Variants in ESRRG observed in about 807,000 individuals in gnomAD.
ESRRG encodes the protein estrogen related receptor gamma.
Under a neutral mutation model 44.0 loss-of-function variants are expected in ESRRG, and 13 were observed. That is an observed-to-expected ratio of 0.30 (90% confidence interval 0.19 to 0.47). ESRRG has a LOEUF of 0.47. ESRRG is among the 20% of genes least tolerant of loss of function. The pLI is 1.00. For synonymous variants in ESRRG, 215 were observed against 214.6 expected, an observed-to-expected ratio of 1.00 and a Z score of -0.02; for missense variants, 395 against 580.6, an observed-to-expected ratio of 0.68 and a Z score of 3.29.
intron 5 of ESRRG, among the ~76,000 whole-genome samples, chr1:216,526,389 T>C (rs2047658530): frequency 6.6e-6 from 1 of 151,918 alleles, no homozygotes; most frequent in African/African-American, 2.4e-5. Context: ...GAGATGGACG[T>C]GTGCAGAGGA....
chr1:216,963,948 G>A (rs1038284808), intron 1 of ESRRG, among the ~76,000 whole-genome samples: 7 of 152,288 alleles, frequency 4.6e-5, no homozygotes, highest in African/African-American at 1.7e-4. Flanking sequence ...CCCTAAAGAT[G>A]AGGAGACAAA....
intron 1 of ESRRG, among the ~76,000 whole-genome samples, chr1:217,016,546 A>G (rs1289054293): frequency 1.3e-5 from 2 of 152,146 alleles, no homozygotes; most frequent in Admixed American, 1.3e-4. Flanking sequence ...ACTACCAGTT[A>G]TCATCATCAT....
chr1:216,818,408 A>C (rs992642848), intron 2 of ESRRG, among the ~76,000 whole-genome samples: 5 of 152,192 alleles, frequency 3.3e-5, no homozygotes, highest in African/African-American at 4.8e-5. Flanking sequence ...TTGTAGAGGA[A>C]TAAGGAACCA....
intron 1 of ESRRG, among the ~76,000 whole-genome samples, chr1:217,116,553 A>T (rs1170512240): frequency 1.3e-5 from 2 of 152,210 alleles, no homozygotes; most frequent in Non-Finnish European, 2.9e-5. Flanking sequence ...TTCAAGACCC[A>T]TACTGTCAGA....
At chr1:216,837,270 G>A (rs1244124934) in intron 2 of ESRRG, among the ~76,000 whole-genome samples, 1 of 151,958 alleles carries the variant, frequency 6.6e-6, no homozygotes, top group African/African-American at 2.4e-5. Context: ...AATTAGCCAG[G>A]CGTGGTGGTG....
chr1:216,997,759 T>G (rs1018742322), intron 1 of ESRRG, among the ~76,000 whole-genome samples: 1 of 152,172 alleles, frequency 6.6e-6, no homozygotes, highest in Non-Finnish European at 1.5e-5. Flanking sequence ...CATTTTATAA[T>G]GAACACTATT....
intron 2 of ESRRG, among the ~76,000 whole-genome samples, chr1:216,800,987 T>G (rs545557210): frequency 1.3e-5 from 2 of 152,296 alleles, no homozygotes; most frequent in East Asian, 3.9e-4. Flanking sequence ...CAATTCTTTT[T>G]TTAATGTTAT....
chr1:217,075,631 C>A (rs1015737404), intron 1 of ESRRG, among the ~76,000 whole-genome samples: 1 of 142,894 alleles, frequency 7.0e-6, no homozygotes, highest in East Asian at 2.6e-4. Context: ...TCTTTTATAT[C>A]TTTTTGATAA....
chr1:216,854,963 T>C (rs2095904350), intron 2 of ESRRG: 1 of 152,170 alleles, frequency 6.6e-6, no homozygotes. Flanking sequence ...TTGCTCAACT[T>C]TTGGTCACAC....
intron 1 of ESRRG, among the ~76,000 whole-genome samples, chr1:217,111,055 T>A (rs2092656435): frequency 6.6e-6 from 1 of 152,218 alleles, no homozygotes; most frequent in African/African-American, 2.4e-5. Flanking sequence ...TTCATGTTTT[T>A]AATTGTTTGC....
chr1:217,040,471 T>G (rs1459480358), intron 1 of ESRRG, among the ~76,000 whole-genome samples: 1 of 152,206 alleles, frequency 6.6e-6, no homozygotes, highest in East Asian at 1.9e-4. Context: ...CTCTTCAAAC[T>G]ATTCATTTTG....
At chr1:216,944,930 C>T (rs973204795) in intron 1 of ESRRG, among the ~76,000 whole-genome samples, 9 of 152,200 alleles carry the variant, frequency 5.9e-5, no homozygotes, top group Admixed American at 5.2e-4. Context: ...TGGAGAATAA[C>T]ACACTGCAAA....
chr1:216,784,607 A>G (rs1169244224), intron 2 of ESRRG, among the ~76,000 whole-genome samples: 1 of 152,084 alleles, frequency 6.6e-6, no homozygotes, highest in African/African-American at 2.4e-5. Context: ...CTGTGGTTTC[A>G]TTTACTTATC....
chr1:216,520,202 A>T (rs1017607761), intron 5 of ESRRG, among the ~76,000 whole-genome samples: 16 of 152,196 alleles, frequency 1.1e-4, no homozygotes, highest in Non-Finnish European at 2.2e-4. Flanking sequence ...TACTGGCTCC[A>T]CTTAGCTACT....
At chr1:217,101,133 G>A (rs1176695864) in intron 1 of ESRRG, among the ~76,000 whole-genome samples, 1 of 152,088 alleles carries the variant, frequency 6.6e-6, no homozygotes, top group Non-Finnish European at 1.5e-5. Context: ...AGGTTCTTTT[G>A]GCCAACCTCA....
At chr1:216,957,076 C>T (rs1047330249) in intron 1 of ESRRG, among the ~76,000 whole-genome samples, 2 of 152,108 alleles carry the variant, frequency 1.3e-5, no homozygotes, top group East Asian at 3.9e-4. Flanking sequence ...GTGAAAAGGA[C>T]TTGGTTAGAT....
chr1:216,860,962 C>T (rs932142264), intron 2 of ESRRG, among the ~76,000 whole-genome samples: 2 of 151,702 alleles, frequency 1.3e-5, no homozygotes, highest in African/African-American at 2.4e-5. Context: ...GCACAGAGGT[C>T]GAGGGAGGAA....
intron 2 of ESRRG, among the ~76,000 whole-genome samples, chr1:216,867,120 C>T (rs1323264030): frequency 1.3e-5 from 2 of 152,088 alleles, no homozygotes; most frequent in Non-Finnish European, 2.9e-5. Flanking sequence ...CTGACATGGT[C>T]TCAGGAAGTA....
intron 2 of ESRRG, among the ~76,000 whole-genome samples, chr1:216,939,368 A>AAAAAAAAAAAC (rs2064812798): frequency 7.0e-6 from 1 of 143,632 alleles, no homozygotes; most frequent in Non-Finnish European, 1.5e-5. Context: ...AAAAAAAAAA[A>AAAAAAAAAAAC]AACACTTTAA....
Sources: gnomAD v4.1 joint callset for allele counts (sites outside exome capture counted in the v4.1 genomes callset) on GRCh38, gnomAD v4.1.1 for gene constraint, MANE v1.5 for transcripts, NCBI Gene and HGNC (gene_info 2026-07-23, HGNC 2026-07-21) for gene names.